The following STK31 variants were observed in gnomAD, a reference collection of about 807,000 sequenced individuals.
The protein encoded by STK31 is serine/threonine kinase 31.
A neutral mutation model predicts 129.7 loss-of-function variants in STK31; 89 were observed. The ratio of observed to expected loss-of-function variants is 0.69; its 90% CI spans 0.58 to 0.82. The LOEUF (loss-of-function observed/expected upper bound fraction) is 0.82, where lower values mean the gene tolerates loss of function less well. STK31 is among the 40% of genes least tolerant of loss of function. STK31 has a pLI of 0.00. For synonymous variants in STK31, 448 were observed against 395.3 expected, an observed-to-expected ratio of 1.13 and a Z score of -1.58; for missense variants, 1,187 against 1,176.4, an observed-to-expected ratio of 1.01 and a Z score of -0.13.
Position 23,769,156 on chromosome 7 carries a change from G to T in STK31, c.1578G>T (p.Trp526Cys), listed in dbSNP as rs746043348. The part of the protein sequence containing the change: ...TDASLHRLVA[W>C]FQRTLKVFDL... ...CTTCTCTGCACCGTCTTGTAGCATG[G>T]TTCCAAAGAACCTTAAAGGTAATAA... The change falls in exon 12 of 24, where the codon TGG becomes TGT. Residue 526 changes from tryptophan (W) to cysteine (C), a missense_variant. Around this residue, in one of 5 missense-constraint regions of STK31, gnomAD observed 975 missense variants for 934.9 expected, o/e 1.04. Transcript: ENST00000355870. 1 of 1,594,386 alleles carries T rather than the reference G, an allele frequency of 6.3e-7. No homozygotes were observed.
chr7:23,830,641 T>C (rs1794491269), intron 23 of STK31, among the ~76,000 whole-genome samples: 1 of 148,372 alleles, frequency 6.7e-6, no homozygotes, highest in Non-Finnish European at 1.5e-5. Flanking sequence ...GTTTTTGAGC[T>C]GGGGGTCTCA....
intron 6 of STK31, among the ~76,000 whole-genome samples, chr7:23,731,468 A>AT (rs1258032257): frequency 6.6e-6 from 1 of 152,214 alleles, no homozygotes; most frequent in Non-Finnish European, 1.5e-5. Flanking sequence ...TTTGGTAGAG[A>AT]TAAGTATTCA....
At chr7:23,786,715 G>A (rs1227995260) in intron 19 of STK31, 82 bp downstream of exon 19, 14 of 1,555,854 alleles carry the variant, frequency 9.0e-6, no homozygotes, top group Admixed American at 1.9e-5. Context: ...TTAGCTCCAG[G>A]TTTTAGAGCA....
intron 1 of STK31, chr7:23,710,840 C>T (rs1785910105): frequency 3.1e-6 from 3 of 970,948 alleles, no homozygotes; most frequent in Admixed American, 1.1e-4. Context: ...GGAGAGATTT[C>T]CAAAGTAATT....
At chr7:23,795,412 A>G (rs2128117042) in intron 22 of STK31, among the ~76,000 whole-genome samples, 1 of 152,328 alleles carries the variant, frequency 6.6e-6, no homozygotes, top group Admixed American at 6.5e-5. Context: ...AAATGCCTGG[A>G]TGTCCAGGCA....
chr7:23,776,814 T>C (rs13310031), intron 15 of STK31, among the ~76,000 whole-genome samples: 1 of 152,150 alleles, frequency 6.6e-6, no homozygotes, highest in South Asian at 2.1e-4. Flanking sequence ...TTCATGTCTC[T>C]ATCTCCTCCA....
At chr7:23,816,564 G>C (rs1304577488) in intron 23 of STK31, among the ~76,000 whole-genome samples, 1 of 152,196 alleles carries the variant, frequency 6.6e-6, no homozygotes, top group Non-Finnish European at 1.5e-5. Flanking sequence ...TCACATGTTT[G>C]TTCATAGGAT....
At chr7:23,732,346 C>A (rs1196893600) in intron 6 of STK31, among the ~76,000 whole-genome samples, 1 of 151,534 alleles carries the variant, frequency 6.6e-6, no homozygotes, top group Non-Finnish European at 1.5e-5. Context: ...ATCTCCAGCT[C>A]ATAAGGGTTA....
chr7:23,773,934 C>G (rs1244673077), intron 15 of STK31, among the ~76,000 whole-genome samples: 1 of 150,746 alleles, frequency 6.6e-6, no homozygotes, highest in Non-Finnish European at 1.5e-5. Flanking sequence ...TCCCTGCCAC[C>G]CCCCACCCCA....
chr7:23,724,434 A>G (rs1253578143), intron 4 of STK31, among the ~76,000 whole-genome samples: 3 of 152,226 alleles, frequency 2.0e-5, no homozygotes, highest in Non-Finnish European at 4.4e-5. Flanking sequence ...GATTAAAGAG[A>G]CAAACAGGAC....
chr7:23,785,678 G>A, intron 18 of STK31, 75 bp downstream of exon 18: 3 of 1,509,976 alleles, frequency 2.0e-6, no homozygotes, highest in Admixed American at 2.0e-5. Flanking sequence ...TTTCAAGAAA[G>A]AAAAAACCTC....
chr7:23,797,304 G>A (rs528765866), intron 22 of STK31, among the ~76,000 whole-genome samples: 60 of 152,250 alleles, frequency 3.9e-4, no homozygotes, highest in Non-Finnish European at 8.2e-4. Flanking sequence ...CAAATCAACA[G>A]CGTATACATT....
Position 23,749,944 on chromosome 7 carries a change from C to T in STK31, c.1018-2773C>T, listed in dbSNP as rs67334442. Among the ~76,000 whole-genome samples, 54 of 151,582 alleles carry T rather than the reference C, an allele frequency of 3.6e-4. No individual in the cohort carries two copies. In the South Asian group the frequency reaches 0.011, roughly 32 times the overall value. ...GCTGGCTGGAGTTGGATATTTCCAT[C>T]CCCCAGGTCAGTTAGGCTTTGATGA... On this transcript the variant is annotated intron_variant, in intron 8 of 23. Coordinates refer to ENST00000355870, the MANE Select transcript of STK31 (RefSeq NM_031414.5).
intron 10 of STK31, among the ~76,000 whole-genome samples, chr7:23,757,576 G>A (rs985669770): frequency 2.0e-5 from 3 of 151,994 alleles, no homozygotes; most frequent in Non-Finnish European, 2.9e-5. Context: ...TAGTATTGCC[G>A]TCAGCATGTC....
intron 10 of STK31, among the ~76,000 whole-genome samples, chr7:23,757,815 C>T (rs993071887): frequency 6.6e-6 from 1 of 152,184 alleles, no homozygotes; most frequent in Non-Finnish European, 1.5e-5. Flanking sequence ...AGCCGTATTT[C>T]AGACTGTCAC....
At chr7:23,815,361 C>T in intron 23 of STK31, 149 bp downstream of exon 23, 1 of 528,688 alleles carries the variant, frequency 1.9e-6, no homozygotes, top group Non-Finnish European at 3.3e-6. Flanking sequence ...AGGTGCCCTA[C>T]TTAACACCAC....
chr7:23,773,297 G>T (rs1790322742), intron 15 of STK31, among the ~76,000 whole-genome samples: 1 of 152,010 alleles, frequency 6.6e-6, no homozygotes, highest in Non-Finnish European at 1.5e-5. Context: ...GCGGTGTTTG[G>T]TTTTCTGTTC....
chr7:23,781,151 T>C (rs1404704344), intron 15 of STK31, among the ~76,000 whole-genome samples: 1 of 152,210 alleles, frequency 6.6e-6, no homozygotes, highest in Non-Finnish European at 1.5e-5. Context: ...TTAGAGAAAA[T>C]CTACAGCAGA....
At chr7:23,743,819 C>G (rs1178777868) in intron 8 of STK31, among the ~76,000 whole-genome samples, 1 of 150,578 alleles carries the variant, frequency 6.6e-6, no homozygotes, top group Admixed American at 6.6e-5. Context: ...TTTTTTCATT[C>G]TTTTTTGTTC....
Sources: gnomAD v4.1 joint callset for allele counts (sites outside exome capture counted in the v4.1 genomes callset) on GRCh38, gnomAD v4.1.1 for gene constraint, gnomAD v4.1.1 regional missense constraint, MANE v1.5 for transcripts, NCBI Gene and HGNC (gene_info 2026-07-23, HGNC 2026-07-21) for gene names.